Variants in PCDH15 observed in about 807,000 individuals in gnomAD.
PCDH15 encodes protocadherin-15.
Under a neutral mutation model 178.5 loss-of-function variants are expected in PCDH15, and 129 were observed. The observed-to-expected ratio is 0.72, with a 90% CI of 0.63 to 0.84. The LOEUF (loss-of-function observed/expected upper bound fraction) is 0.84, where lower values mean the gene tolerates loss of function less well. Among genes scored for constraint, PCDH15 ranks in the 40% least tolerant of loss-of-function variants. The pLI is 0.00. For synonymous variants in PCDH15, 800 were observed against 732.0 expected, an observed-to-expected ratio of 1.09 and a Z score of -1.50; for missense variants, 2,230 against 2,099.9, an observed-to-expected ratio of 1.06 and a Z score of -1.21.
intron 2 of PCDH15, among the ~76,000 whole-genome samples, chr10:55,547,419 C>A (rs1365492631): frequency 6.6e-6 from 1 of 152,016 alleles, no homozygotes; most frequent in African/African-American, 2.4e-5. Context: ...CATATTGGAT[C>A]TGAGTAAGGC....
At chr10:55,444,534 A>G (rs1256895624) in intron 2 of PCDH15, among the ~76,000 whole-genome samples, 1 of 152,120 alleles carries the variant, frequency 6.6e-6, no homozygotes, top group African/African-American at 2.4e-5. Flanking sequence ...AAAGAAAAAT[A>G]AAAACATTTA....
intron 1 of PCDH15, among the ~76,000 whole-genome samples, chr10:55,196,317 T>C (rs1220203380): frequency 6.6e-6 from 1 of 152,128 alleles, no homozygotes; most frequent in Non-Finnish European, 1.5e-5. Flanking sequence ...GTAATTTATC[T>C]TTTTCTTTCA....
chr10:54,795,022 A>G lies in PCDH15; in HGVS notation c.-29+5903T>C, dbSNP rs530941079. Among the ~76,000 whole-genome samples the G allele has an allele frequency of 2.0e-4, 31 of 151,950 alleles. 2 individuals carry two copies. In the South Asian group the frequency reaches 6.2e-3, roughly 30 times the overall value. On this transcript the variant is annotated intron_variant, in intron 1 of 37. Coordinates refer to ENST00000644397, the MANE Select transcript of PCDH15 (RefSeq NM_001384140.1). ...CATAATCTGCCTTATAGCTAGGGAT[A>G]GCCTTAGTACTTTCATATTATACAT...
intron 2 of PCDH15, among the ~76,000 whole-genome samples, chr10:55,382,614 G>A (rs796225128): frequency 1.3e-5 from 2 of 152,282 alleles, no homozygotes; most frequent in African/African-American, 4.8e-5. Flanking sequence ...ATATCCTATA[G>A]AACTGTATGA....
chr10:55,126,981 A>C (rs146600115), intron 2 of PCDH15, among the ~76,000 whole-genome samples: 1 of 152,128 alleles, frequency 6.6e-6, no homozygotes, highest in East Asian at 1.9e-4. Flanking sequence ...ATTGTTCCAC[A>C]TTCCTCTTTC....
chr10:55,370,841 G>A (rs980135387), intron 2 of PCDH15, among the ~76,000 whole-genome samples: 53 of 152,080 alleles, frequency 3.5e-4, no homozygotes, highest in African/African-American at 1.3e-3. Context: ...CTCTGCAGTA[G>A]CATAGCTATT....
At chr10:53,985,053 A>C (rs2091000145) in intron 21 of PCDH15, among the ~76,000 whole-genome samples, 1 of 152,308 alleles carries the variant, frequency 6.6e-6, no homozygotes, top group African/African-American at 2.4e-5. Flanking sequence ...GATATGTGGA[A>C]CAGACATGAG....
At chr10:54,899,994 A>G (rs192172895) in intron 2 of PCDH15, among the ~76,000 whole-genome samples, 233 of 152,236 alleles carry the variant, frequency 1.5e-3, no homozygotes, top group Non-Finnish European at 2.5e-3. Context: ...AACAATTAGT[A>G]TTCTTTATCT....
intron 8 of PCDH15, among the ~76,000 whole-genome samples, chr10:54,273,371 CA>C (rs2058157758): frequency 1.1e-5 from 1 of 88,094 alleles, no homozygotes. Flanking sequence ...GGAAGTAGTA[CA>C]GTAAAAAAAA....
chr10:55,318,219 C>T (rs190340465), intron 1 of PCDH15, among the ~76,000 whole-genome samples: 1 of 151,868 alleles, frequency 6.6e-6, no homozygotes, highest in Non-Finnish European at 1.5e-5. Flanking sequence ...GAAAAAAACA[C>T]ACGAGAGAGA....
intron 1 of PCDH15, among the ~76,000 whole-genome samples, chr10:55,245,454 A>G (rs4633362): frequency 0.011 from 1,616 of 152,284 alleles, 40 homozygotes; most frequent in African/African-American, 0.037. Flanking sequence ...ATCAAATTTC[A>G]ATGTTGTATG....
At chr10:54,520,098 G>A (rs2082683873) in intron 3 of PCDH15, among the ~76,000 whole-genome samples, 1 of 152,018 alleles carries the variant, frequency 6.6e-6, no homozygotes, top group African/African-American at 2.4e-5. Context: ...TACACTTAAA[G>A]CCATAAAAAC....
At chr10:54,896,786 G>A (rs926140847) in intron 3 of PCDH15, among the ~76,000 whole-genome samples, 3 of 151,954 alleles carry the variant, frequency 2.0e-5, no homozygotes, top group African/African-American at 7.3e-5. Flanking sequence ...ATATCCAAAT[G>A]CTTTCGTTGT....
chr10:55,527,258 T>C (rs1169103466), intron 2 of PCDH15, among the ~76,000 whole-genome samples: 2 of 152,046 alleles, frequency 1.3e-5, no homozygotes, highest in East Asian at 1.9e-4. Flanking sequence ...ACAGTTCTGG[T>C]GGCTAGAAAT....
chr10:54,826,582 G>A (rs1048641662), intron 3 of PCDH15, among the ~76,000 whole-genome samples: 1 of 151,824 alleles, frequency 6.6e-6, no homozygotes, highest in African/African-American at 2.4e-5. Flanking sequence ...GAGGGAAAAG[G>A]AGTTGGAAAA....
At chr10:55,188,659 C>T (rs1000793054) in intron 1 of PCDH15, among the ~76,000 whole-genome samples, 22 of 151,806 alleles carry the variant, frequency 1.4e-4, no homozygotes, top group African/African-American at 4.1e-4. Flanking sequence ...AAGACAATTT[C>T]CAAACTTTTA....
At chr10:55,615,650 T>C (rs1228810782) in intron 2 of PCDH15, among the ~76,000 whole-genome samples, 1 of 152,116 alleles carries the variant, frequency 6.6e-6, no homozygotes, top group Non-Finnish European at 1.5e-5. Context: ...ATAAGGTCAA[T>C]TGAGTCTAGG....
intron 2 of PCDH15, among the ~76,000 whole-genome samples, chr10:55,458,972 C>T (rs778143246): frequency 5.3e-5 from 8 of 151,874 alleles, no homozygotes; most frequent in East Asian, 3.9e-4. Context: ...TAACATTGAA[C>T]GCAGAAACTT....
intron 2 of PCDH15, among the ~76,000 whole-genome samples, chr10:55,069,220 T>C (rs1469461153): frequency 6.6e-6 from 1 of 151,306 alleles, no homozygotes; most frequent in Admixed American, 6.6e-5. Flanking sequence ...TTTTTGATGT[T>C]CTGTTAGATT....
Sources: gnomAD v4.1 joint callset for allele counts (sites outside exome capture counted in the v4.1 genomes callset) on GRCh38, gnomAD v4.1.1 for gene constraint, MANE v1.5 for transcripts, NCBI Gene and HGNC (gene_info 2026-07-23, HGNC 2026-07-21) for gene names.